Variants in SLCO6A1 observed in about 807,000 individuals in gnomAD.
SLCO6A1 encodes solute carrier organic anion transporter family member 6A1, also known as cancer/testis antigen 48.
SLCO6A1 carries 65 observed loss-of-function variants against 72.7 expected under a neutral mutation model. The observed-to-expected ratio is 0.89, with a 90% CI of 0.73 to 1.10. The LOEUF (loss-of-function observed/expected upper bound fraction) is 1.10. SLCO6A1 is among the 50% of genes least tolerant of loss of function. The pLI is 0.00. For missense variants in SLCO6A1, 874 were observed against 872.6 expected, an observed-to-expected ratio of 1.00 and a Z score of -0.02; for synonymous variants, 314 against 298.2, an observed-to-expected ratio of 1.05 and a Z score of -0.55.
intron 7 of SLCO6A1, among the ~76,000 whole-genome samples, chr5:102,430,963 AGTTTTG>A (rs1749184798): frequency 6.6e-6 from 1 of 151,914 alleles, no homozygotes; most frequent in African/African-American, 2.4e-5. Context: ...TTGCTATTTC[AGTTTTG>A]GAGCTCATTA....
intron 8 of SLCO6A1, among the ~76,000 whole-genome samples, chr5:102,415,466 C>A (rs919198911): frequency 6.6e-6 from 1 of 152,018 alleles, no homozygotes; most frequent in African/African-American, 2.4e-5. Context: ...AGAAAGGACA[C>A]CCTTTTCAAT....
At chr5:102,428,084 C>G (rs567071061) in intron 7 of SLCO6A1, among the ~76,000 whole-genome samples, 12 of 151,330 alleles carry the variant, frequency 7.9e-5, no homozygotes, top group Non-Finnish European at 1.6e-4. Flanking sequence ...GTTGGCCAAG[C>G]TGGTCTTGAA....
At chr5:102,475,018 A>G (rs185314773) in intron 4 of SLCO6A1, among the ~76,000 whole-genome samples, 42 of 152,196 alleles carry the variant, frequency 2.8e-4, no homozygotes, top group African/African-American at 9.9e-4. Flanking sequence ...AAACAGTATA[A>G]AAGTTTTTCG....
chr5:102,457,608 A>G (rs377580719), intron 6 of SLCO6A1, among the ~76,000 whole-genome samples: 1 of 152,130 alleles, frequency 6.6e-6, no homozygotes, highest in African/African-American at 2.4e-5. Context: ...AACAACAGGT[A>G]CTGGAGAGGA....
chr5:102,406,871 C>A (rs1747699834), intron 9 of SLCO6A1, among the ~76,000 whole-genome samples: 1 of 152,114 alleles, frequency 6.6e-6, no homozygotes, highest in Non-Finnish European at 1.5e-5. Context: ...TGAACAGAAA[C>A]TATCTATACT....
intron 1 of SLCO6A1, among the ~76,000 whole-genome samples, chr5:102,491,076 C>T (rs1752654261): frequency 6.6e-6 from 1 of 152,108 alleles, no homozygotes; most frequent in Non-Finnish European, 1.5e-5. Context: ...AAAGGTTCTC[C>T]ATGTCCCCAC....
At chr5:102,429,207 T>C (rs914218067) in intron 7 of SLCO6A1, among the ~76,000 whole-genome samples, 1 of 152,184 alleles carries the variant, frequency 6.6e-6, no homozygotes, top group Non-Finnish European at 1.5e-5. Context: ...TTTTAGACCT[T>C]TGTCAGATGC....
At chr5:102,395,079 G>A (rs949483687) in intron 10 of SLCO6A1, among the ~76,000 whole-genome samples, 2 of 152,088 alleles carry the variant, frequency 1.3e-5, no homozygotes, top group East Asian at 3.9e-4. Context: ...TAGGGTACAT[G>A]TGCACAACGT....
At chr5:102,379,486 T>C (rs1745992526) in intron 12 of SLCO6A1, among the ~76,000 whole-genome samples, 1 of 152,310 alleles carries the variant, frequency 6.6e-6, no homozygotes, top group African/African-American at 2.4e-5. Flanking sequence ...TTATTAGACA[T>C]GCATAAAATG....
rs757674943 is a variant in SLCO6A1, at chr5:102,373,468, T to C, written c.2044A>G (p.Ile682Val). ...ATGAAAAATGCAATAGTAGTGAAGA[T>C]GATAGTGCATAGTTTGCAAAGAAAA... ...ICFLCKLCTI[I>V]FTTIAFFIYK... Residue 682 changes from isoleucine (I) to valine (V), a missense_variant, in exon 13 of 14, where the codon ATC becomes GTC. Coordinates refer to ENST00000506729, the MANE Select transcript of SLCO6A1 (RefSeq NM_173488.5). 2.7e-5 allele frequency: 42 copies of C among 1,530,552 alleles called. 1 individual carries two copies. The highest frequency in any genetic ancestry group is 1.2e-4 in the Admixed American group (6 of 49,180). The allele number at this position is 1,530,552 out of a possible 1,614,324, so 94.8% of individuals were successfully genotyped here. A position where few individuals can be genotyped will look rare whatever the true frequency, so the allele number is the denominator to read the frequency against.
intron 9 of SLCO6A1, among the ~76,000 whole-genome samples, chr5:102,407,742 C>T (rs1460642547): frequency 6.6e-6 from 1 of 152,052 alleles, no homozygotes; most frequent in Non-Finnish European, 1.5e-5. Context: ...ATGTGTGAGG[C>T]CTGTGAAAAC....
chr5:102,420,656 A>G (rs1377889290), intron 7 of SLCO6A1, among the ~76,000 whole-genome samples: 3 of 152,198 alleles, frequency 2.0e-5, no homozygotes, highest in Non-Finnish European at 4.4e-5. Flanking sequence ...GTAAATTCAT[A>G]CATTGATGCA....
chr5:102,373,767 C>G (rs999478665), intron 12 of SLCO6A1, among the ~76,000 whole-genome samples: 1 of 152,134 alleles, frequency 6.6e-6, no homozygotes, highest in African/African-American at 2.4e-5. Context: ...AATTCTGAAA[C>G]ATGAAATATA....
chr5:102,472,543 TG>T (rs1292710366), intron 4 of SLCO6A1, among the ~76,000 whole-genome samples: 1 of 152,030 alleles, frequency 6.6e-6, no homozygotes, highest in African/African-American at 2.4e-5. Context: ...AGGTAATTGA[TG>T]GTACTAGTTC....
At chr5:102,375,950 A>AG (rs946575918) in intron 12 of SLCO6A1, among the ~76,000 whole-genome samples, 2 of 152,252 alleles carry the variant, frequency 1.3e-5, no homozygotes, top group African/African-American at 4.8e-5. Context: ...TACACAAAAG[A>AG]GGGAAAAAAA....
At chr5:102,446,230 G>T (rs1227160886) in intron 6 of SLCO6A1, among the ~76,000 whole-genome samples, 3 of 152,114 alleles carry the variant, frequency 2.0e-5, no homozygotes, top group African/African-American at 7.2e-5. Flanking sequence ...ATTTGTTTGT[G>T]TTGTCTTTGA....
chr5:102,444,729 T>C (rs540913281), intron 6 of SLCO6A1, among the ~76,000 whole-genome samples: 4 of 152,330 alleles, frequency 2.6e-5, no homozygotes, highest in East Asian at 1.9e-4. Context: ...CTGACCTAAA[T>C]ACAAGTGAGA....
At chr5:102,439,100 GA>G (rs1749704295) in intron 6 of SLCO6A1, among the ~76,000 whole-genome samples, 1 of 151,718 alleles carries the variant, frequency 6.6e-6, no homozygotes, top group South Asian at 2.1e-4. Context: ...CATATATCTA[GA>G]ATTTCTCCTT....
chr5:102,412,282 C>T lies in SLCO6A1; in HGVS notation c.1626+708G>A, dbSNP rs1179452651. Among the ~76,000 whole-genome samples the T allele has an allele frequency of 2.0e-5, 3 of 152,122 alleles. No homozygotes were observed. In the East Asian group the frequency reaches 5.8e-4, roughly 29 times the overall value. ...TGTATAATACAAAGCTTCACTGTGACCACCTTGAGCACACGTTCTCAGGAC... is the reference window on the plus strand; with the variant it reads ...TGTATAATACAAAGCTTCACTGTGATCACCTTGAGCACACGTTCTCAGGAC... On this transcript the variant is annotated intron_variant, in intron 9 of 13. Transcript: ENST00000506729.
Sources: allele counts gnomAD v4.1 joint callset (sites outside exome capture counted in the v4.1 genomes callset), GRCh38; gene constraint gnomAD v4.1.1; transcripts MANE v1.5; gene names NCBI Gene and HGNC (gene_info 2026-07-23, HGNC 2026-07-21).